Variants in P2RY12 observed in about 807,000 individuals in gnomAD.
The protein encoded by P2RY12 is P2Y purinoceptor 12.
A neutral mutation model predicts 4.5 loss-of-function variants in P2RY12; 3 were observed. The observed-to-expected ratio is 0.67, with a 90% CI of 0.31 to 1.74. The LOEUF (loss-of-function observed/expected upper bound fraction) is 1.74, where lower values mean the gene tolerates loss of function less well. Among genes scored for constraint, P2RY12 ranks in the 40% most tolerant of loss-of-function variants. The pLI is 0.09. For synonymous variants in P2RY12, 148 were observed against 154.1 expected, an observed-to-expected ratio of 0.96 and a Z score of 0.29; for missense variants, 356 against 407.8, an observed-to-expected ratio of 0.87 and a Z score of 1.09.
At chr3:151,376,699 G>T (rs1756897071) in intron 1 of P2RY12, 1 of 957,458 alleles carries the variant, frequency 1.0e-6, no homozygotes, top group Non-Finnish European at 1.6e-6. Flanking sequence ...CATTGTGTAT[G>T]ATTATTCTGC....
At chr3:151,382,177 C>G (rs138917295) in intron 1 of P2RY12, among the ~76,000 whole-genome samples, 1 of 151,968 alleles carries the variant, frequency 6.6e-6, no homozygotes, top group Non-Finnish European at 1.5e-5. Flanking sequence ...TTCAAAGTAC[C>G]GTGCGTTCTC....
intron 1 of P2RY12, among the ~76,000 whole-genome samples, chr3:151,353,304 G>A (rs1158659065): frequency 6.6e-6 from 1 of 152,172 alleles, no homozygotes; most frequent in Non-Finnish European, 1.5e-5. Flanking sequence ...GTTAGTAAAT[G>A]AAAAATTCAA....
Position 151,354,140 on chromosome 3 carries a change from CAAAAAAAAA to C in P2RY12, c.-179-13389_-179-13381del, listed in dbSNP as rs63033360. On this transcript the variant is annotated intron_variant, in intron 1 of 2. Transcript: ENST00000302632. ...TGGGCGACAGAGCGAGACTCCGTCTCAAAAAAAAAAAAAAAAAAAAAAAAGAATCACAGT... is the reference window on the plus strand; with the variant it reads ...TGGGCGACAGAGCGAGACTCCGTCTCAAAAAAAAAAAAAAAGAATCACAGT... Among the ~76,000 whole-genome samples the C allele has an allele frequency of 9.5e-5, 6 of 62,842 alleles. 1 individual carries two copies. Among genetic ancestry groups the C allele is most frequent in the East Asian group, 1.2e-3 (2 of 1,724 alleles). The allele number at this position is 62,842 out of a possible 152,430, so 41.2% of individuals were successfully genotyped here.
chr3:151,339,448 G>C lies in P2RY12; in HGVS notation c.-14-589C>G, dbSNP rs528490692. ...TGAATCAGTAAAAAAAAAAAAAGCTGACCTTTTTTCTTTATATTTGGAAGA... is the reference window on the plus strand; with the variant it reads ...TGAATCAGTAAAAAAAAAAAAAGCTCACCTTTTTTCTTTATATTTGGAAGA... On this transcript the variant is annotated intron_variant, in intron 2 of 2. Transcript: ENST00000302632. 9.1e-4 allele frequency among the ~76,000 whole-genome samples: 133 copies of C among 146,392 alleles called. 1 individual carries two copies. In the East Asian group the frequency reaches 0.021, roughly 24 times the overall value.
chr3:151,343,395 A>T (rs529059076), intron 1 of P2RY12, among the ~76,000 whole-genome samples: 1 of 152,324 alleles, frequency 6.6e-6, no homozygotes, highest in East Asian at 1.9e-4. Context: ...TCAGTTCTTG[A>T]TCTAAATTAA....
At chr3:151,368,742 T>TTCATTTCATGTCATTTCATG (rs1755785519) in intron 1 of P2RY12, among the ~76,000 whole-genome samples, 4 of 128,010 alleles carry the variant, frequency 3.1e-5, no homozygotes, top group East Asian at 2.4e-4. Context: ...TTCATTTCAT[T>TTCATTTCATGTCATTTCATG]TCATTTCATG....
chr3:151,350,723 C>T (rs1009553217), intron 1 of P2RY12, among the ~76,000 whole-genome samples: 3 of 152,026 alleles, frequency 2.0e-5, no homozygotes, highest in Admixed American at 2.0e-4. Context: ...GTGATGGCTA[C>T]CTATATCTCC....
At chr3:151,360,823 G>T (rs1294592122) in intron 1 of P2RY12, among the ~76,000 whole-genome samples, 1 of 151,786 alleles carries the variant, frequency 6.6e-6, no homozygotes, top group Non-Finnish European at 1.5e-5. Context: ...GTGATCATAG[G>T]TTTTTTTTCC....
At chr3:151,355,152 C>A in intron 1 of P2RY12, 1 of 1,613,864 alleles carries the variant, frequency 6.2e-7, no homozygotes, top group Non-Finnish European at 8.5e-7. Context: ...CCAGGAAGAA[C>A]AAACAGGAGA....
rs1755443433 is a variant in P2RY12, at chr3:151,367,605, A to G, written c.-180+17087T>C. 6 of 1,546,670 alleles carry G rather than the reference A, an allele frequency of 3.9e-6. No homozygotes were observed. The East Asian group carries it at 1.4e-4, about 36-fold the overall frequency. On this transcript the variant is annotated intron_variant, in intron 1 of 2. Coordinates refer to ENST00000302632, the MANE Select transcript of P2RY12 (RefSeq NM_022788.5). ...TTATTAATCTTAGATACTGCTTACA[A>G]GGTTGTTAGGTATTAAAACCTGTCA...
At chr3:151,380,812 C>T (rs376399944) in intron 1 of P2RY12, among the ~76,000 whole-genome samples, 82 of 152,302 alleles carry the variant, frequency 5.4e-4, no homozygotes, top group African/African-American at 1.9e-3. Flanking sequence ...TCTCCTAACT[C>T]TGCCTCATAG....
intron 1 of P2RY12, among the ~76,000 whole-genome samples, chr3:151,347,718 A>G (rs1457589900): frequency 6.6e-6 from 1 of 152,192 alleles, no homozygotes; most frequent in Non-Finnish European, 1.5e-5. Flanking sequence ...GAAGTCTAGC[A>G]TGTGAATTAA....
intron 1 of P2RY12, among the ~76,000 whole-genome samples, chr3:151,353,920 T>A (rs1753569081): frequency 6.6e-6 from 1 of 151,890 alleles, no homozygotes; most frequent in Non-Finnish European, 1.5e-5. Flanking sequence ...GGCGGGCGGA[T>A]CACGAGGTCA....
chr3:151,347,866 C>T (rs1387033218), intron 1 of P2RY12, among the ~76,000 whole-genome samples: 2 of 152,152 alleles, frequency 1.3e-5, no homozygotes, highest in Non-Finnish European at 1.5e-5. Flanking sequence ...GTTTATTATT[C>T]GAGATCATGG....
intron 1 of P2RY12, among the ~76,000 whole-genome samples, chr3:151,343,408 T>G (rs1447183449): frequency 6.6e-6 from 1 of 152,164 alleles, no homozygotes; most frequent in Non-Finnish European, 1.5e-5. Context: ...TAAATTAACT[T>G]TATTTTTCCT....
At chr3:151,357,111 T>G (rs1370553511) in intron 1 of P2RY12, 2 of 958,844 alleles carry the variant, frequency 2.1e-6, no homozygotes, top group African/African-American at 3.3e-5. Flanking sequence ...GGGAATGTAT[T>G]TGTAGTGTAA....
chr3:151,359,850 T>G (rs1431051931), intron 1 of P2RY12, among the ~76,000 whole-genome samples: 1 of 152,120 alleles, frequency 6.6e-6, no homozygotes, highest in Non-Finnish European at 1.5e-5. Context: ...GACTTCTGTG[T>G]TGTATGGACT....
At chr3:151,353,173 T>G (rs1403258910) in intron 1 of P2RY12, among the ~76,000 whole-genome samples, 1 of 152,178 alleles carries the variant, frequency 6.6e-6, no homozygotes, top group African/African-American at 2.4e-5. Flanking sequence ...TCTACTTCTT[T>G]AAGTCTGTTG....
At chr3:151,382,757 T>A in intron 1 of P2RY12, 1 of 1,593,982 alleles carries the variant, frequency 6.3e-7, no homozygotes, top group Non-Finnish European at 8.6e-7. Flanking sequence ...TAAGTGACAT[T>A]TCTAGTATTT....
Sources: gnomAD v4.1 joint callset for allele counts (sites outside exome capture counted in the v4.1 genomes callset) on GRCh38, gnomAD v4.1.1 for gene constraint, MANE v1.5 for transcripts, NCBI Gene and HGNC (gene_info 2026-07-23, HGNC 2026-07-21) for gene names.